ZNF717: variants seen among roughly 807,000 people sequenced by gnomAD.
ZNF717 encodes zinc finger protein 717, also known as krueppel-like factor X17.
A neutral mutation model predicts 13.8 loss-of-function variants in ZNF717; 9 were observed. The observed-to-expected ratio is 0.65, with a 90% CI of 0.39 to 1.14. The LOEUF (loss-of-function observed/expected upper bound fraction) is 1.14, where lower values mean the gene tolerates loss of function less well. Among genes scored for constraint, ZNF717 ranks in the 50% most tolerant of loss-of-function variants. The pLI, the probability that ZNF717 is intolerant of heterozygous loss-of-function variation, is 0.01. For missense variants in ZNF717, 1,040 were observed against 1,080.7 expected (o/e 0.96, Z 0.53); for synonymous variants, 327 against 364.1 (o/e 0.90, Z 1.16).
chr3:75,776,852 T>C (rs1944360583), intron 2 of ZNF717, among the ~76,000 whole-genome samples: 2 of 152,210 alleles, frequency 1.3e-5, no homozygotes, highest in South Asian at 4.1e-4. Flanking sequence ...ACTTATGGCA[T>C]ATGGAGAAAA....
chr3:75,770,790 G>C (rs1239674292), intron 2 of ZNF717, among the ~76,000 whole-genome samples: 1 of 152,170 alleles, frequency 6.6e-6, no homozygotes, highest in Non-Finnish European at 1.5e-5. Flanking sequence ...GCATTCAACA[G>C]AGAGTTAAAC....
At chr3:75,697,130 T>A (rs1157018437) in intron 6 of ZNF717, among the ~76,000 whole-genome samples, 2 of 152,306 alleles carry the variant, frequency 1.3e-5, no homozygotes, top group African/African-American at 4.8e-5. Context: ...ATGACAAGAA[T>A]GTCCACTTTT....
At chr3:75,698,187 G>A (rs200653706) in intron 6 of ZNF717, among the ~76,000 whole-genome samples, 1 of 152,306 alleles carries the variant, frequency 6.6e-6, no homozygotes, top group Non-Finnish European at 1.5e-5. Flanking sequence ...AGCTTACAAG[G>A]GAAGCATAGT....
rs1940792078 is a variant in ZNF717, at chr3:75,743,850, C to G, written c.58-2114G>C. On this transcript the variant is annotated intron_variant, in intron 2 of 4. Transcript: ENST00000652011. The stretch of plus-strand genomic sequence containing the variant: ...TGCAAAAAATAAAAGAATACGATAA[C>G]CAGAAGTGACACAGACTTGGACATA... 3.9e-5 allele frequency among the ~76,000 whole-genome samples: 6 copies of G among 152,334 alleles called. No homozygotes were observed. The South Asian group carries it at 1.2e-3, about 32-fold the overall frequency.
intron 2 of ZNF717, among the ~76,000 whole-genome samples, chr3:75,765,769 T>C (rs1403141002): frequency 6.6e-6 from 1 of 152,158 alleles, no homozygotes; most frequent in Non-Finnish European, 1.5e-5. Flanking sequence ...TTTACAAATA[T>C]TTAATTAACC....
In ZNF717 at chr3:75,743,091, T is replaced by C. The variant is rs202219885; in HGVS notation, c.58-1355A>G. On this transcript the variant is annotated intron_variant, in intron 2 of 4. Coordinates refer to ENST00000652011, the MANE Select transcript of ZNF717 (RefSeq NM_001290208.3). ...TATACCAAAAACATATAAATAAAAA[T>C]ATACATATCATGTAGGTTTTCATAA... Among the ~76,000 whole-genome samples the C allele has an allele frequency of 5.7e-4, 87 of 152,220 alleles. 1 individual carries two copies. The East Asian group carries it at 0.017, about 29-fold the overall frequency.
At chr3:75,779,451 C>A (rs1457751301) in intron 2 of ZNF717, among the ~76,000 whole-genome samples, 1 of 151,622 alleles carries the variant, frequency 6.6e-6, no homozygotes, top group African/African-American at 2.4e-5. Context: ...AAACCGGAAC[C>A]CAAAACAAAG....
At chr3:75,748,099 T>C (rs1197087831) in intron 2 of ZNF717, among the ~76,000 whole-genome samples, 3 of 152,108 alleles carry the variant, frequency 2.0e-5, no homozygotes, top group African/African-American at 7.2e-5. Context: ...CTAGAAGAAA[T>C]GGATAAATTC....
chr3:75,699,450 C>T (rs554189169), intron 6 of ZNF717, among the ~76,000 whole-genome samples: 1 of 152,424 alleles, frequency 6.6e-6, no homozygotes, highest in African/African-American at 2.4e-5. Flanking sequence ...TGAATCATGA[C>T]AGCAGGATTT....
intron 2 of ZNF717, among the ~76,000 whole-genome samples, chr3:75,754,071 C>A (rs1380447384): frequency 6.6e-6 from 1 of 152,232 alleles, no homozygotes; most frequent in Non-Finnish European, 1.5e-5. Flanking sequence ...CCACTAGAGT[C>A]GTTGCGAGTG....
At chr3:75,744,600 G>T in intron 2 of ZNF717, among the ~76,000 whole-genome samples, 1 of 152,192 alleles carries the variant, frequency 6.6e-6, no homozygotes, top group Non-Finnish European at 1.5e-5. Flanking sequence ...ACGGCTGGAG[G>T]ATCCGCGTGG....
At chr3:75,746,596 T>G (rs1188454549) in intron 2 of ZNF717, among the ~76,000 whole-genome samples, 6 of 152,218 alleles carry the variant, frequency 3.9e-5, no homozygotes, top group Non-Finnish European at 8.8e-5. Flanking sequence ...AGATGATATC[T>G]CATTGTGATT....
At chr3:75,765,237 T>C (rs1033596204) in intron 2 of ZNF717, among the ~76,000 whole-genome samples, 4 of 151,564 alleles carry the variant, frequency 2.6e-5, no homozygotes, top group African/African-American at 9.7e-5. Flanking sequence ...GAGGGGGAAA[T>C]TAATAGTTGT....
intron 2 of ZNF717, among the ~76,000 whole-genome samples, chr3:75,754,964 T>C (rs564607256): frequency 4.6e-5 from 7 of 152,070 alleles, no homozygotes; most frequent in African/African-American, 1.4e-4. Flanking sequence ...GAAAACACCT[T>C]ACCTACAGAG....
chr3:75,764,820 A>AAAAT (rs1553680383), intron 2 of ZNF717, among the ~76,000 whole-genome samples: 10 of 150,322 alleles, frequency 6.7e-5, no homozygotes, highest in East Asian at 5.9e-4. Context: ...TCCTCAAAAA[A>AAAAT]AAAATAAAAT....
At chr3:75,724,179 T>TA (rs1372313271) in intron 4 of ZNF717, among the ~76,000 whole-genome samples, 9 of 152,036 alleles carry the variant, frequency 5.9e-5, no homozygotes, top group African/African-American at 2.2e-4. Flanking sequence ...CTCCTTACCC[T>TA]GCCCCCTTGC....
Position 75,711,471 on chromosome 3 carries a change from G to A in ZNF717, n.668-155C>T, listed in dbSNP as rs1202586431. On this transcript the variant is annotated intron_variant and non_coding_transcript_variant, in intron 5 of 5. Transcript: ENST00000491507. Reference sequence around the variant, plus strand: ...CATCAGCTTATTTATTTGAGCTCTGGAGATTTTTATTTAGTCTACTGATCT... The same window carrying A: ...CATCAGCTTATTTATTTGAGCTCTGAAGATTTTTATTTAGTCTACTGATCT... Among the ~76,000 whole-genome samples the A allele has an allele frequency of 8.5e-5, 13 of 152,142 alleles. No individual in the cohort carries two copies. In the East Asian group the frequency reaches 1.9e-3, roughly 23 times the overall value.
chr3:75,707,374 A>G (rs183292876), downstream of ZNF717, among the ~76,000 whole-genome samples: 3 of 152,396 alleles, frequency 2.0e-5, no homozygotes, highest in African/African-American at 7.2e-5. Flanking sequence ...CAGAGCATTA[A>G]GAAATGCAGT....
At chr3:75,703,977 T>G (rs1419518684) in intron 6 of ZNF717, among the ~76,000 whole-genome samples, 2 of 152,302 alleles carry the variant, frequency 1.3e-5, no homozygotes, top group Non-Finnish European at 2.9e-5. Context: ...CCACCAAGCC[T>G]GAAAAATGTA....
Sources: gnomAD v4.1 joint callset for allele counts (sites outside exome capture counted in the v4.1 genomes callset) on GRCh38, gnomAD v4.1.1 for gene constraint, MANE v1.5 for transcripts, NCBI Gene and HGNC (gene_info 2026-07-23, HGNC 2026-07-21) for gene names.